LRRIQ3: variants seen among roughly 807,000 people sequenced by gnomAD.
LRRIQ3 encodes leucine-rich repeat and IQ domain-containing protein 3.
Under a neutral mutation model 59.3 loss-of-function variants are expected in LRRIQ3, and 75 were observed. That is an observed-to-expected ratio of 1.26 (90% CI 1.05 to 1.53). LRRIQ3 has a LOEUF of 1.53. Ranked by LOEUF, LRRIQ3 falls within the 40% of genes most tolerant of loss-of-function variation. The probability of loss-of-function intolerance (pLI) is 0.00; values close to 1 mark genes in which losing one functional copy is unlikely to be tolerated. For synonymous variants in LRRIQ3, 250 were observed against 231.3 expected, an observed-to-expected ratio of 1.08 and a Z score of -0.73; for missense variants, 831 against 710.0, an observed-to-expected ratio of 1.17 and a Z score of -1.94.
chr1:74,145,122 T>C (rs1647484092), intron 4 of LRRIQ3, among the ~76,000 whole-genome samples: 1 of 152,120 alleles, frequency 6.6e-6, no homozygotes, highest in South Asian at 2.1e-4. Context: ...ATCACTAGCG[T>C]ATGAATGACT....
chr1:74,074,329 G>A (rs1267862798), intron 6 of LRRIQ3, among the ~76,000 whole-genome samples: 1 of 152,072 alleles, frequency 6.6e-6, no homozygotes, highest in African/African-American at 2.4e-5. Flanking sequence ...AAGTGTATAG[G>A]TGGATGAATT....
Position 74,053,288 on chromosome 1 carries a change from G to A in LRRIQ3, c.998-11355C>T, listed in dbSNP as rs992786015. 2.0e-5 allele frequency among the ~76,000 whole-genome samples: 3 copies of A among 150,400 alleles called. No individual in the cohort carries two copies. The East Asian group carries it at 5.8e-4, about 29-fold the overall frequency. On this transcript the variant is annotated intron_variant, in intron 6 of 7. Transcript: ENST00000354431. ...TATAAAATGCAAAACTATAAACTCA[G>A]AGAAGAAAATGGAAGAAATCCTATA...
intron 5 of LRRIQ3, among the ~76,000 whole-genome samples, chr1:74,101,515 T>A (rs1198365251): frequency 6.6e-6 from 1 of 152,156 alleles, no homozygotes; most frequent in African/African-American, 2.4e-5. Context: ...TCCTCAGGGA[T>A]CTTGAACTAG....
intron 1 of LRRIQ3, among the ~76,000 whole-genome samples, chr1:74,193,355 C>T (rs1183508048): frequency 2.0e-5 from 3 of 152,082 alleles, no homozygotes; most frequent in Non-Finnish European, 4.4e-5. Flanking sequence ...CAAACCTTTC[C>T]TTAGTTTGTA....
intron 4 of LRRIQ3, among the ~76,000 whole-genome samples, chr1:74,130,675 ATTC>A (rs1647001468): frequency 6.6e-6 from 1 of 152,088 alleles, no homozygotes; most frequent in African/African-American, 2.4e-5. Context: ...AGAGGTTTCT[ATTC>A]TTCTACGGTG....
chr1:74,064,116 T>C (rs1557599324), intron 6 of LRRIQ3, among the ~76,000 whole-genome samples: 1 of 151,844 alleles, frequency 6.6e-6, no homozygotes, highest in Non-Finnish European at 1.5e-5. Context: ...ATACTATATA[T>C]AATGTATAAT....
intron 4 of LRRIQ3, among the ~76,000 whole-genome samples, chr1:74,152,116 A>C (rs1009344895): frequency 2.6e-5 from 4 of 152,044 alleles, no homozygotes; most frequent in African/African-American, 9.6e-5. Context: ...CAAAATGAAC[A>C]AAAAGATAGC....
rs1414290930 is a variant in LRRIQ3 at position 74,122,833 on chromosome 1, T to C, written c.708-13280A>G. On this transcript the variant is annotated intron_variant, in intron 4 of 7. Coordinates refer to ENST00000354431, the MANE Select transcript of LRRIQ3 (RefSeq NM_001105659.2). ...CAAAAGCCAAAATTGACAAATGGGATCTAATTAAACTAAAGAGCTTCTGCA... is the reference window on the plus strand; with the variant it reads ...CAAAAGCCAAAATTGACAAATGGGACCTAATTAAACTAAAGAGCTTCTGCA... Among the ~76,000 whole-genome samples the C allele has an allele frequency of 3.3e-5, 5 of 152,156 alleles. No homozygotes were observed. In the East Asian group the frequency reaches 7.7e-4, roughly 24 times the overall value.
intron 4 of LRRIQ3, among the ~76,000 whole-genome samples, chr1:74,127,802 A>G (rs1646958508): frequency 6.6e-6 from 1 of 151,926 alleles, no homozygotes; most frequent in Non-Finnish European, 1.5e-5. Context: ...CTGTGTACTT[A>G]CTATTACCAC....
intron 6 of LRRIQ3, among the ~76,000 whole-genome samples, chr1:74,054,498 A>C (rs1313650813): frequency 1.3e-5 from 2 of 152,068 alleles, no homozygotes; most frequent in Non-Finnish European, 2.9e-5. Flanking sequence ...TAGAATGTAC[A>C]CCAAGAGTAA....
At chr1:74,189,148 C>G (rs1650593554) in intron 1 of LRRIQ3, among the ~76,000 whole-genome samples, 1 of 152,080 alleles carries the variant, frequency 6.6e-6, no homozygotes, top group African/African-American at 2.4e-5. Context: ...TCTTTCCATA[C>G]TGTCTCAGGA....
intron 6 of LRRIQ3, among the ~76,000 whole-genome samples, chr1:74,048,348 A>G (rs554894007): frequency 6.6e-6 from 1 of 152,276 alleles, no homozygotes; most frequent in South Asian, 2.1e-4. Flanking sequence ...TCTAATTTGG[A>G]GAGGGGAGTA....
chr1:74,103,369 A>G (rs1277242095), intron 5 of LRRIQ3, among the ~76,000 whole-genome samples: 1 of 152,000 alleles, frequency 6.6e-6, no homozygotes, highest in Non-Finnish European at 1.5e-5. Flanking sequence ...TTTAAAATAA[A>G]TTGCATTACT....
chr1:74,174,342 T>C lies in LRRIQ3; in HGVS notation c.573+8196A>G, dbSNP rs375181333. Among the ~76,000 whole-genome samples, 206 of 151,872 alleles carry C rather than the reference T, an allele frequency of 1.4e-3. 1 individual carries two copies. In the South Asian group the frequency reaches 0.021, roughly 16 times the overall value. On this transcript the variant is annotated intron_variant, in intron 3 of 7. Transcript: ENST00000354431. ...ATTGAATTTTTCAGTTAATTCATTA[T>C]AACACTGAACTCTACAATCCCCCTT...
In LRRIQ3 at chr1:74,041,285, C is replaced by G; in HGVS notation, c.1646G>C (p.Ser549Thr). 1.2e-6 allele frequency: 2 copies of G among 1,608,526 alleles called. No homozygotes were observed. The highest frequency in any genetic ancestry group is 2.3e-5 in the South Asian group (2 of 88,764). The change falls in exon 7 of 8, where the codon AGC (serine) becomes ACC (threonine). Residue 549 changes from serine (S) to threonine (T), a missense_variant. Transcript: ENST00000354431. ...EKNEAVLKEK[S>T]LIVKQKLKAE... is the part of the protein sequence containing the mutation. ...TTTTAGTTTTTGCTTAACAATCAGG[C>G]TTTTCTCTTTTAGGACAGCCTCATT...
intron 3 of LRRIQ3, chr1:74,181,296 C>T (rs117196901): frequency 1.3e-5 from 2 of 152,434 alleles, no homozygotes; most frequent in East Asian, 3.9e-4. Context: ...CATTAATCTG[C>T]TAGCAAAATG....
At chr1:74,084,195 T>G (rs1474929403) in intron 5 of LRRIQ3, 2 of 1,547,382 alleles carry the variant, frequency 1.3e-6, no homozygotes, top group Admixed American at 3.9e-5. Flanking sequence ...CAGTGAAAAT[T>G]GACCCATAAT....
chr1:74,068,229 A>C (rs1654921577), intron 6 of LRRIQ3, among the ~76,000 whole-genome samples: 1 of 152,106 alleles, frequency 6.6e-6, no homozygotes, highest in South Asian at 2.1e-4. Flanking sequence ...AATTAATCCT[A>C]ATTTCCTTCA....
chr1:74,159,523 T>C (rs1408489259), intron 3 of LRRIQ3, among the ~76,000 whole-genome samples: 3 of 152,186 alleles, frequency 2.0e-5, no homozygotes, highest in Non-Finnish European at 4.4e-5. Flanking sequence ...CATCACACTC[T>C]TTTTCTCCCT....
Sources: gnomAD v4.1 joint callset for allele counts (sites outside exome capture counted in the v4.1 genomes callset) on GRCh38, gnomAD v4.1.1 for gene constraint, MANE v1.5 for transcripts, NCBI Gene and HGNC (gene_info 2026-07-23, HGNC 2026-07-21) for gene names.